KREMEN1: variants seen among roughly 807,000 people sequenced by gnomAD.
KREMEN1 encodes the protein kremen protein 1.
KREMEN1 carries 30 observed loss-of-function variants against 46.5 expected under a neutral mutation model. That is an observed-to-expected ratio of 0.65 (90% CI 0.48 to 0.88). The LOEUF (loss-of-function observed/expected upper bound fraction) is 0.88. Ranked by LOEUF, KREMEN1 falls within the 40% of genes least tolerant of loss-of-function variation. The pLI is 0.00. For synonymous variants in KREMEN1, 214 were observed against 230.6 expected, an observed-to-expected ratio of 0.93 and a Z score of 0.65; for missense variants, 533 against 596.9, an observed-to-expected ratio of 0.89 and a Z score of 1.11.
At chr22:29,135,554 C>T (rs1446165327) in intron 5 of KREMEN1, among the ~76,000 whole-genome samples, 2 of 152,170 alleles carry the variant, frequency 1.3e-5, no homozygotes, top group East Asian at 1.9e-4. Flanking sequence ...CCTGCACACT[C>T]ATGCCACTCA....
At chr22:29,078,726 G>C (rs1427378293) in intron 1 of KREMEN1, among the ~76,000 whole-genome samples, 2 of 152,216 alleles carry the variant, frequency 1.3e-5, no homozygotes, top group African/African-American at 4.8e-5. Context: ...CTTGAGAGAG[G>C]CCGGAAGTTT....
In KREMEN1 at chr22:29,131,523, CATATAT is replaced by C. The variant is rs148738725; in HGVS notation, c.632-5786_632-5781del. The stretch of plus-strand genomic sequence containing the variant: ...AGCAACAACTGATCTGTATTCTGTT[CATATAT>C]ATATATATATATATATATATATATA... On this transcript the variant is annotated intron_variant, in intron 5 of 8. Coordinates refer to ENST00000400335, the MANE Select transcript of KREMEN1 (RefSeq NM_001039570.3). Among the ~76,000 whole-genome samples the C allele has an allele frequency of 5.8e-3, 540 of 93,684 alleles. 14 individuals carry two copies. The highest frequency in any genetic ancestry group is 0.039 in the South Asian group (115 of 2,952). The allele number at this position is 93,684 out of a possible 152,430, so 61.5% of individuals were successfully genotyped here.
rs142512105 is a variant in KREMEN1 at position 29,094,313 on chromosome 22, A to G, written c.153A>G (p.Leu51=). 1.9e-6 allele frequency: 3 copies of G among 1,614,038 alleles called. No individual in the cohort carries two copies. The highest frequency in any genetic ancestry group is 1.3e-5 in the African/African-American group (1 of 75,048). ...DYRGTQNWTA[L]QGGKPCLFWN... ...GGGGAACACAGAACTGGACAGCACT[A>G]CAAGGCGGGAAGCCATGTCTGTTTT... Residue 51 remains leucine, a synonymous_variant, in exon 2 of 9, where the codon CTA becomes CTG. Transcript: ENST00000400335.
At position 29,125,326 on chromosome 22, in the gene KREMEN1, G is replaced by A. The variant is rs200972285; in HGVS notation, c.541G>A (p.Gly181Arg). ...AAACAATCCTGATTACTGGAAGTAC[G>A]GGGAGGCAGCCAGTACCGAATGCAA... is the stretch of plus-strand genomic sequence containing the variant. ...CGNNPDYWKYGEAASTECNSV... is the reference protein window; with the variant it reads ...CGNNPDYWKYREAASTECNSV... Residue 181 changes from glycine (G) to arginine (R), a missense_variant, in exon 5 of 9, where the codon GGG (glycine) becomes AGG (arginine). Transcript: ENST00000400335. 4.3e-4 allele frequency: 702 copies of A among 1,614,144 alleles called. 2 individuals carry two copies. The highest frequency in any genetic ancestry group is 1.7e-4 in the Middle Eastern group (1 of 6,060).
intron 1 of KREMEN1, among the ~76,000 whole-genome samples, chr22:29,086,350 C>T (rs887312104): frequency 6.6e-6 from 1 of 152,194 alleles, no homozygotes; most frequent in South Asian, 2.1e-4. Context: ...CTTTATTGCA[C>T]TGATTCTCCA....
chr22:29,144,261 C>G lies in KREMEN1; in HGVS notation c.*2149C>G, dbSNP rs1266764742. On this transcript the variant is annotated 3_prime_UTR_variant, in exon 9 of 9. Transcript: ENST00000400335. ...CTGGAAACACCTCTGCACCTGCCGC[C>G]CCTGGGAGGAAAGAGGGCCACACAG... is the stretch of plus-strand genomic sequence containing the variant. 1 of 985,650 alleles carries G rather than the reference C, an allele frequency of 1.0e-6. No homozygotes were observed. Among genetic ancestry groups the G allele is most frequent in the Middle Eastern group, 5.2e-4 (1 of 1,916 alleles). The allele number at this position is 985,650 out of a possible 1,614,324, so 61.1% of individuals were successfully genotyped here. A position where few individuals can be genotyped will look rare whatever the true frequency, so the allele number is the denominator to read the frequency against.
intron 3 of KREMEN1, among the ~76,000 whole-genome samples, chr22:29,118,398 C>T (rs943087971): frequency 6.6e-6 from 1 of 152,058 alleles, no homozygotes; most frequent in African/African-American, 2.4e-5. Flanking sequence ...GCATGAATAC[C>T]AGGAAGGGGG....
downstream of KREMEN1, among the ~76,000 whole-genome samples, chr22:29,150,361 G>C (rs1358659647): frequency 2.0e-5 from 3 of 152,202 alleles, no homozygotes; most frequent in Non-Finnish European, 4.4e-5. Flanking sequence ...CGTTAGCTCT[G>C]GGTGACTGAG....
chr22:29,078,126 C>T (rs1373028574), intron 1 of KREMEN1, among the ~76,000 whole-genome samples: 1 of 152,012 alleles, frequency 6.6e-6, no homozygotes, highest in Non-Finnish European at 1.5e-5. Flanking sequence ...CAAAATTAGA[C>T]AGATGTCGTG....
intron 9 of KREMEN1, among the ~76,000 whole-genome samples, chr22:29,158,755 G>A (rs1295802151): frequency 6.6e-6 from 1 of 152,234 alleles, no homozygotes; most frequent in Non-Finnish European, 1.5e-5. Context: ...AGCCTAGTGG[G>A]AGACCAAGAC....
intron 5 of KREMEN1, among the ~76,000 whole-genome samples, chr22:29,128,381 G>A (rs1457872539): frequency 2.0e-5 from 3 of 152,088 alleles, no homozygotes; most frequent in Non-Finnish European, 4.4e-5. Flanking sequence ...TTAAAATGGT[G>A]GATTTTAGAT....
chr22:29,074,366 C>T (rs190835864), intron 1 of KREMEN1, among the ~76,000 whole-genome samples: 1 of 152,372 alleles, frequency 6.6e-6, no homozygotes, highest in Admixed American at 6.5e-5. Flanking sequence ...CAACGCCGAG[C>T]TCCGTGTTTT....
intron 1 of KREMEN1, among the ~76,000 whole-genome samples, chr22:29,088,081 A>G (rs532843926): frequency 6.6e-6 from 1 of 152,148 alleles, no homozygotes; most frequent in South Asian, 2.1e-4. Context: ...AATTTTGATT[A>G]AGAAAAACCT....
intron 3 of KREMEN1, among the ~76,000 whole-genome samples, chr22:29,101,795 C>T (rs2037980452): frequency 6.6e-6 from 1 of 152,178 alleles, no homozygotes. Context: ...ACTATCACAT[C>T]TCAGTTTGTG....
intron 3 of KREMEN1, among the ~76,000 whole-genome samples, chr22:29,100,122 C>T (rs1251469230): frequency 2.8e-5 from 4 of 142,174 alleles, no homozygotes; most frequent in Non-Finnish European, 4.5e-5. Context: ...GACAGAGTCT[C>T]ACTCTGTCTC....
At position 29,080,168 on chromosome 22, in the gene KREMEN1, T is replaced by A. The variant is rs5762977; in HGVS notation, c.97+6941T>A. 3.3e-4 allele frequency among the ~76,000 whole-genome samples: 50 copies of A among 152,332 alleles called. No individual in the cohort carries two copies. In the East Asian group the frequency reaches 9.3e-3, roughly 28 times the overall value. Reference sequence around the variant, plus strand: ...TCCCCAGACTCAAAGCCTCTATTACTGGTGGGTGTTTTGGCATCAGTTAAG... The same window carrying A: ...TCCCCAGACTCAAAGCCTCTATTACAGGTGGGTGTTTTGGCATCAGTTAAG... On this transcript the variant is annotated intron_variant, in intron 1 of 8. Coordinates refer to ENST00000400335, the MANE Select transcript of KREMEN1 (RefSeq NM_001039570.3).
chr22:29,098,170 A>G (rs1488425694), intron 2 of KREMEN1, among the ~76,000 whole-genome samples: 1 of 150,042 alleles, frequency 6.7e-6, no homozygotes, highest in Non-Finnish European at 1.5e-5. Flanking sequence ...TGGGTGACAG[A>G]TTGAGAGTTT....
chr22:29,160,841 C>T (rs1292763595), intron 9 of KREMEN1, among the ~76,000 whole-genome samples: 1 of 151,926 alleles, frequency 6.6e-6, no homozygotes, highest in Non-Finnish European at 1.5e-5. Flanking sequence ...ACAAGCTAAC[C>T]CAGAAGATAG....
rs373563943 is a variant in KREMEN1 at position 29,144,772 on chromosome 22, G to A, written c.*2660G>A. 8.1e-6 allele frequency: 8 copies of A among 985,526 alleles called. No individual in the cohort carries two copies. The highest frequency in any genetic ancestry group is 5.2e-4 in the Middle Eastern group (1 of 1,914). The allele number at this position is 985,526 out of a possible 1,614,324, so 61.0% of individuals were successfully genotyped here. On this transcript the variant is annotated 3_prime_UTR_variant, in exon 9 of 9. Transcript: ENST00000400335. The stretch of plus-strand genomic sequence containing the variant: ...CTGACACTGACCACTGGCCTCTGGG[G>A]TGTCCTGCAGCCCAAATGCCCACCT...
Sources: gnomAD v4.1 joint callset for allele counts (sites outside exome capture counted in the v4.1 genomes callset) on GRCh38, gnomAD v4.1.1 for gene constraint, MANE v1.5 for transcripts, NCBI Gene and HGNC (gene_info 2026-07-23, HGNC 2026-07-21) for gene names.